FARS2: variants seen among roughly 807,000 people sequenced by gnomAD.
FARS2 encodes phenylalanine--tRNA ligase, mitochondrial.
In FARS2, 40 loss-of-function variants were observed where a neutral mutation model predicts 46.4. The ratio of observed to expected loss-of-function variants is 0.86; its 90% CI spans 0.67 to 1.12. The LOEUF (loss-of-function observed/expected upper bound fraction) is 1.12. Among genes scored for constraint, FARS2 ranks in the 50% most tolerant of loss-of-function variants. The probability of loss-of-function intolerance (pLI) is 0.00; values close to 1 mark genes in which losing one functional copy is unlikely to be tolerated. For synonymous variants in FARS2, 234 were observed against 214.9 expected (o/e 1.09, Z -0.78); for missense variants, 513 against 567.9 (o/e 0.90, Z 0.98).
chr6:5,744,734 C>T (rs1222095157), intron 6 of FARS2, among the ~76,000 whole-genome samples: 1 of 152,230 alleles, frequency 6.6e-6, no homozygotes, highest in Non-Finnish European at 1.5e-5. Flanking sequence ...CAACACACCT[C>T]AAAGCTCAGG....
chr6:5,466,614 T>C (rs901644651), intron 4 of FARS2: 8 of 985,336 alleles, frequency 8.1e-6, no homozygotes, highest in African/African-American at 1.7e-5. Flanking sequence ...ATGGTCCTGA[T>C]GGCACCCAGC....
intron 5 of FARS2, among the ~76,000 whole-genome samples, chr6:5,587,362 T>C (rs1773674669): frequency 6.6e-6 from 1 of 152,204 alleles, no homozygotes; most frequent in South Asian, 2.1e-4. Flanking sequence ...TTAATTGAGA[T>C]TTTAGGTTAG....
upstream of FARS2, chr6:5,260,608 C>G: frequency 1.2e-4 from 167 of 1,337,924 alleles, no homozygotes; most frequent in Non-Finnish European, 1.5e-4. Context: ...TCCCCGGCCC[C>G]TGGCCCCCCG....
At chr6:5,599,240 A>G (rs1163548947) in intron 5 of FARS2, among the ~76,000 whole-genome samples, 1 of 152,214 alleles carries the variant, frequency 6.6e-6, no homozygotes, top group Admixed American at 6.5e-5. Flanking sequence ...GAAGGCTTAT[A>G]TCTGTCTCAC....
At chr6:5,293,417 G>A (rs1767635584) in intron 1 of FARS2, among the ~76,000 whole-genome samples, 1 of 152,154 alleles carries the variant, frequency 6.6e-6, no homozygotes, top group Non-Finnish European at 1.5e-5. Flanking sequence ...AAGGTTGCAT[G>A]CATGCTAGGA....
At chr6:5,520,041 T>C (rs1769034722) in intron 4 of FARS2, among the ~76,000 whole-genome samples, 1 of 152,150 alleles carries the variant, frequency 6.6e-6, no homozygotes, top group Non-Finnish European at 1.5e-5. Flanking sequence ...TTCCCCACAA[T>C]GCTGTGCTCT....
chr6:5,584,575 T>G (rs1336628378), intron 5 of FARS2, among the ~76,000 whole-genome samples: 1 of 152,290 alleles, frequency 6.6e-6, no homozygotes, highest in Middle Eastern at 3.4e-3. Context: ...TGTGTGCCTG[T>G]GCATGTGTGT....
intron 4 of FARS2, among the ~76,000 whole-genome samples, chr6:5,503,558 T>C (rs1209095172): frequency 6.6e-6 from 1 of 151,910 alleles, no homozygotes; most frequent in Non-Finnish European, 1.5e-5. Context: ...GAAAATAAAT[T>C]AATTAAAATA....
intron 4 of FARS2, among the ~76,000 whole-genome samples, chr6:5,476,196 G>A (rs755229345): frequency 8.5e-5 from 13 of 152,166 alleles, no homozygotes; most frequent in Non-Finnish European, 1.5e-4. Flanking sequence ...CCCGGCGAAC[G>A]GGAGAGAACC....
At chr6:5,479,725 C>A (rs891677157) in intron 4 of FARS2, among the ~76,000 whole-genome samples, 3 of 152,022 alleles carry the variant, frequency 2.0e-5, no homozygotes, top group African/African-American at 7.2e-5. Flanking sequence ...AATTCCACAG[C>A]GATTTAAAAA....
Position 5,318,925 on chromosome 6 carries a change from G to C in FARS2, c.-21-49625G>C, listed in dbSNP as rs1581770727. 4.6e-5 allele frequency among the ~76,000 whole-genome samples: 7 copies of C among 152,224 alleles called. 1 individual carries two copies. In the South Asian group the frequency reaches 1.5e-3, roughly 32 times the overall value. On this transcript the variant is annotated intron_variant, in intron 1 of 6. Coordinates refer to ENST00000274680, the MANE Select transcript of FARS2 (RefSeq NM_006567.5). ...CCCTGATATCCAGTCAGCCTGCATC[G>C]GCCTTAGGTTCCCTGCTTCCCGACC...
intron 4 of FARS2, among the ~76,000 whole-genome samples, chr6:5,541,154 TAAATC>T (rs1770606623): frequency 6.6e-6 from 1 of 152,210 alleles, no homozygotes; most frequent in Non-Finnish European, 1.5e-5. Context: ...CTATATCATT[TAAATC>T]ATTACACCTC....
intron 2 of FARS2, among the ~76,000 whole-genome samples, chr6:5,376,906 CA>C (rs1461668021): frequency 6.6e-6 from 1 of 151,946 alleles, no homozygotes; most frequent in African/African-American, 2.4e-5. Context: ...ATAATAAACA[CA>C]AAAATCAAGG....
chr6:5,283,745 A>T (rs1414119215), intron 1 of FARS2, among the ~76,000 whole-genome samples: 1 of 151,710 alleles, frequency 6.6e-6, no homozygotes, highest in Non-Finnish European at 1.5e-5. Flanking sequence ...TTATCCTTTA[A>T]CAGTATATCT....
chr6:5,481,925 G>A (rs557960827), intron 4 of FARS2, among the ~76,000 whole-genome samples: 12 of 152,276 alleles, frequency 7.9e-5, no homozygotes, highest in African/African-American at 2.9e-4. Flanking sequence ...CTGTGGATAT[G>A]CTTGAGGACT....
At chr6:5,692,907 G>A (rs1048501981) in intron 6 of FARS2, among the ~76,000 whole-genome samples, 2 of 152,178 alleles carry the variant, frequency 1.3e-5, no homozygotes, top group African/African-American at 4.8e-5. Flanking sequence ...AGCTTCAGAG[G>A]TAATACTCTG....
At chr6:5,460,251 C>T (rs1195838806) in intron 4 of FARS2, among the ~76,000 whole-genome samples, 1 of 152,202 alleles carries the variant, frequency 6.6e-6, no homozygotes, top group Admixed American at 6.5e-5. Context: ...TCACATACAT[C>T]GCTCTTTTTG....
chr6:5,434,356 C>T (rs149868088), intron 4 of FARS2, among the ~76,000 whole-genome samples: 6 of 152,242 alleles, frequency 3.9e-5, no homozygotes, highest in African/African-American at 1.4e-4. Context: ...AGGTGATCCA[C>T]CCACCTTGGC....
At chr6:5,547,826 G>T (rs758553670) in intron 5 of FARS2, among the ~76,000 whole-genome samples, 99 of 152,322 alleles carry the variant, frequency 6.5e-4, no homozygotes, top group Admixed American at 1.2e-3. Context: ...TCACGCCCCA[G>T]TGGCGACAGC....
Sources: gnomAD v4.1 joint callset for allele counts (sites outside exome capture counted in the v4.1 genomes callset) on GRCh38, gnomAD v4.1.1 for gene constraint, MANE v1.5 for transcripts, NCBI Gene and HGNC (gene_info 2026-07-23, HGNC 2026-07-21) for gene names.